DNAAF10: variants seen among roughly 807,000 people sequenced by gnomAD.
DNAAF10 encodes the protein WD repeat domain 92.
DNAAF10 carries 28 observed loss-of-function variants against 43.7 expected under a neutral mutation model. The ratio of observed to expected loss-of-function variants is 0.64; its 90% CI spans 0.48 to 0.88. The LOEUF (loss-of-function observed/expected upper bound fraction) is 0.88, where lower values mean the gene tolerates loss of function less well. Ranked by LOEUF, DNAAF10 falls within the 40% of genes least tolerant of loss-of-function variation. The probability of loss-of-function intolerance (pLI) is 0.00; values close to 1 mark genes in which losing one functional copy is unlikely to be tolerated. For synonymous variants in DNAAF10, 156 were observed against 157.3 expected (o/e 0.99, Z 0.06); for missense variants, 403 against 439.1 (o/e 0.92, Z 0.73).
At chr2:68,146,003 T>C (rs1222811371) in intron 2 of DNAAF10, among the ~76,000 whole-genome samples, 2 of 152,222 alleles carry the variant, frequency 1.3e-5, no homozygotes, top group African/African-American at 2.4e-5. Context: ...GGCTCACGCC[T>C]GTAATCCCAG....
At position 68,138,917 on chromosome 2, in the gene DNAAF10, TAA is replaced by T. The variant is rs529387204; in HGVS notation, c.518-62_518-61del. 5.6e-5 allele frequency: 69 copies of T among 1,221,908 alleles called. No homozygotes were observed. The African/African-American group carries it at 8.9e-4, about 16-fold the overall frequency. The allele number at this position is 1,221,908 out of a possible 1,614,324, so 75.7% of individuals were successfully genotyped here. On this transcript the variant is annotated intron_variant, in intron 4 of 7. Coordinates refer to ENST00000295121, the MANE Select transcript of DNAAF10 (RefSeq NM_138458.4). ...AAATGCATCCTTATAAAGGCTGCTT[TAA>T]AAAAGTCTTATGAAACTAACATAAA...
chr2:68,146,521 CTT>C (rs779037185), intron 2 of DNAAF10, among the ~76,000 whole-genome samples: 12 of 152,090 alleles, frequency 7.9e-5, no homozygotes, highest in Non-Finnish European at 1.6e-4. Flanking sequence ...TTTGAATACT[CTT>C]GTGTTGAAAT....
chr2:68,155,070 C>G (rs1673559587), intron 1 of DNAAF10, among the ~76,000 whole-genome samples: 1 of 152,110 alleles, frequency 6.6e-6, no homozygotes, highest in Non-Finnish European at 1.5e-5. Flanking sequence ...CTGCACCAGG[C>G]CTGTTCTTAT....
chr2:68,138,068 G>A (rs1231053509), intron 5 of DNAAF10, among the ~76,000 whole-genome samples: 1 of 151,310 alleles, frequency 6.6e-6, no homozygotes, highest in Non-Finnish European at 1.5e-5. Flanking sequence ...CCAGTTACTC[G>A]GGAGGCTGAG....
intron 1 of DNAAF10, among the ~76,000 whole-genome samples, chr2:68,154,180 T>C (rs372931748): frequency 2.6e-5 from 4 of 152,222 alleles, no homozygotes; most frequent in African/African-American, 9.6e-5. Flanking sequence ...TGAAATAGTG[T>C]GTTCTCAGAC....
At chr2:68,151,529 CCT>C (rs1673458003) in intron 1 of DNAAF10, among the ~76,000 whole-genome samples, 1 of 152,202 alleles carries the variant, frequency 6.6e-6, no homozygotes, top group Non-Finnish European at 1.5e-5. Context: ...ATTATGTCCC[CCT>C]TTCTAGAATG....
chr2:68,136,573 T>C (rs1673049148), intron 6 of DNAAF10, among the ~76,000 whole-genome samples: 1 of 152,222 alleles, frequency 6.6e-6, no homozygotes, highest in African/African-American at 2.4e-5. Flanking sequence ...TTTAATCTTA[T>C]GGAAACAAGG....
chr2:68,132,155 C>T (rs1672942393), intron 7 of DNAAF10: 3 of 152,352 alleles, frequency 2.0e-5, no homozygotes, highest in South Asian at 4.2e-4. Flanking sequence ...AGAGAACACT[C>T]CTCCCCAATA....
At chr2:68,152,013 T>C (rs1023210986) in intron 1 of DNAAF10, among the ~76,000 whole-genome samples, 4 of 152,208 alleles carry the variant, frequency 2.6e-5, no homozygotes, top group African/African-American at 7.2e-5. Context: ...TGTAAATCAA[T>C]TAAATAAACA....
At chr2:68,134,532 T>A (rs560068170) in intron 7 of DNAAF10, 170 bp downstream of exon 7, 1 of 1,471,582 alleles carries the variant, frequency 6.8e-7, no homozygotes, top group Admixed American at 3.1e-5. Flanking sequence ...AAGTGTAAAG[T>A]ATATTCATAC....
At position 68,137,507 on chromosome 2, in the gene DNAAF10, CA is replaced by C. The variant is rs1673072908; in HGVS notation, c.634-75del. On this transcript the variant is annotated intron_variant, in intron 5 of 7. Transcript: ENST00000295121. The stretch of plus-strand genomic sequence containing the variant: ...GGAGGCTCTTTTATACTAAGTAAAA[CA>C]GCTTTAAAATGGTCAGATAATGTGA... The C allele has an allele frequency of 2.3e-6, 3 of 1,311,886 alleles. No individual in the cohort carries two copies. In the Admixed American group the frequency reaches 7.8e-5, roughly 34 times the overall value. 81.3% of individuals were successfully genotyped at this position (1,311,886 alleles called of 1,614,324 possible).
chr2:68,134,317 C>T, intron 7 of DNAAF10: 4 of 1,021,742 alleles, frequency 3.9e-6, no homozygotes, highest in Non-Finnish European at 4.7e-6. Context: ...CAATCAGCAG[C>T]CTCAGGCTCT....
chr2:68,137,875 A>G (rs1432552940), intron 5 of DNAAF10, among the ~76,000 whole-genome samples: 3 of 126,850 alleles, frequency 2.4e-5, no homozygotes, highest in Non-Finnish European at 5.1e-5. Flanking sequence ...TCAAAAAAAA[A>G]ACATTTTTTT....
In DNAAF10 at chr2:68,157,327, G is replaced by A. The variant is rs142806710; in HGVS notation, c.117C>T (p.Phe39=). 1.8e-4 allele frequency: 298 copies of A among 1,614,170 alleles called. 3 individuals carry two copies. The African/African-American group carries it at 3.5e-3, about 19-fold the overall frequency. Residue 39 remains phenylalanine, a synonymous_variant, in exon 1 of 8, where the codon TTC becomes TTT. Transcript: ENST00000295121. ...CSAKFVTMGN[F]ARGTGVIQLY... ...GCTGAATGACGCCGGTGCCCCGTGCGAAGTTGCCCATGGTCACAAATTTGG... is the reference window on the plus strand; with the variant it reads ...GCTGAATGACGCCGGTGCCCCGTGCAAAGTTGCCCATGGTCACAAATTTGG...
At chr2:68,150,471 G>A (rs1673427271) in intron 1 of DNAAF10, among the ~76,000 whole-genome samples, 1 of 152,204 alleles carries the variant, frequency 6.6e-6, no homozygotes, top group South Asian at 2.1e-4. Context: ...AGTGGCTCAC[G>A]CCTATAATAT....
At chr2:68,138,288 T>C (rs1213556356) in intron 5 of DNAAF10, among the ~76,000 whole-genome samples, 1 of 152,222 alleles carries the variant, frequency 6.6e-6, no homozygotes, top group African/African-American at 2.4e-5. Context: ...GAATCATTAT[T>C]TAACTTTTTA....
chr2:68,157,462 T>C lies in DNAAF10; in HGVS notation c.-19A>G, dbSNP rs747808655. 6.2e-7 allele frequency: 1 copy of C among 1,613,618 alleles called. No homozygotes were observed. Among genetic ancestry groups the C allele is most frequent in the Non-Finnish European group, 8.5e-7 (1 of 1,179,896 alleles). Reference sequence around the variant, plus strand: ...CCGACATGGTGCAGCCAATTTCAGCTACGGCAACCGCCACACCCAGAGCCC... The same window carrying C: ...CCGACATGGTGCAGCCAATTTCAGCCACGGCAACCGCCACACCCAGAGCCC... On this transcript the variant is annotated 5_prime_UTR_variant, in exon 1 of 8. It removes the in-frame stop codon of an upstream open reading frame in the 5' UTR. Coordinates refer to ENST00000295121, the MANE Select transcript of DNAAF10 (RefSeq NM_138458.4).
chr2:68,131,790 T>G (rs534113170), intron 7 of DNAAF10: 1 of 221,156 alleles, frequency 4.5e-6, no homozygotes, highest in East Asian at 1.0e-4. Flanking sequence ...TTATTTATTG[T>G]AATTTTTCTC....
chr2:68,150,367 A>G (rs1171028357), intron 1 of DNAAF10, among the ~76,000 whole-genome samples: 1 of 152,244 alleles, frequency 6.6e-6, no homozygotes, highest in Non-Finnish European at 1.5e-5. Flanking sequence ...TGTTGTTTTC[A>G]GATTTTAAAG....
Sources: gnomAD v4.1 joint callset for allele counts (sites outside exome capture counted in the v4.1 genomes callset) on GRCh38, gnomAD v4.1.1 for gene constraint, MANE v1.5 for transcripts, NCBI Gene and HGNC (gene_info 2026-07-23, HGNC 2026-07-21) for gene names.